The following LRP1B variants were observed in gnomAD, a reference collection of about 807,000 sequenced individuals.
The protein encoded by LRP1B is LDL receptor related protein 1B.
LRP1B carries 217 observed loss-of-function variants against 556.6 expected under a neutral mutation model. That is an observed-to-expected ratio of 0.39 (90% CI 0.35 to 0.44). The LOEUF (loss-of-function observed/expected upper bound fraction) is 0.44. Among genes scored for constraint, LRP1B ranks in the 20% least tolerant of loss-of-function variants. LRP1B has a pLI of 1.00. For synonymous variants in LRP1B, 2,047 were observed against 1,865.8 expected, an observed-to-expected ratio of 1.10 and a Z score of -2.50; for missense variants, 5,053 against 5,620.8, an observed-to-expected ratio of 0.90 and a Z score of 3.23.
chr2:141,571,141 G>A lies in LRP1B; in HGVS notation c.206-90608C>T, dbSNP rs546784724. 4.8e-4 allele frequency among the ~76,000 whole-genome samples: 72 copies of A among 149,574 alleles called. 3 individuals carry two copies. Among genetic ancestry groups the A allele is most frequent in the Non-Finnish European group, 8.2e-4 (55 of 67,072 alleles). Reference sequence around the variant, plus strand: ...CAGGGGTTGTCAGACACCCTATACAGGAGTGATCCTATTGGCATCAGGTTA... The same window carrying A: ...CAGGGGTTGTCAGACACCCTATACAAGAGTGATCCTATTGGCATCAGGTTA... On this transcript the variant is annotated intron_variant, in intron 2 of 90. Coordinates refer to ENST00000389484, the MANE Select transcript of LRP1B (RefSeq NM_018557.3).
chr2:142,042,745 C>A (rs1259607132), intron 1 of LRP1B, among the ~76,000 whole-genome samples: 1 of 151,514 alleles, frequency 6.6e-6, no homozygotes, highest in Non-Finnish European at 1.5e-5. Context: ...TCCAAACCCA[C>A]CATGATTTGG....
intron 11 of LRP1B, among the ~76,000 whole-genome samples, chr2:141,024,466 C>A (rs1207517212): frequency 1.3e-5 from 2 of 151,954 alleles, no homozygotes. Context: ...CCAATGCAAA[C>A]TGTCACTCTC....
At chr2:141,669,276 C>T (rs1248624990) in intron 2 of LRP1B, among the ~76,000 whole-genome samples, 2 of 152,210 alleles carry the variant, frequency 1.3e-5, no homozygotes, top group Middle Eastern at 3.4e-3. Flanking sequence ...CATGTGAAGA[C>T]AAAGCGAAGA....
chr2:141,751,860 G>C (rs1303478120), intron 2 of LRP1B, among the ~76,000 whole-genome samples: 2 of 149,536 alleles, frequency 1.3e-5, no homozygotes, highest in African/African-American at 4.9e-5. Context: ...TAGTATGACT[G>C]ATTTTTTTTT....
intron 1 of LRP1B, among the ~76,000 whole-genome samples, chr2:141,956,605 G>GTCTTT (rs3041433): frequency 0.46 from 69,539 of 151,284 alleles, 16,109 homozygotes; most frequent in Admixed American, 0.53. Flanking sequence ...AAATTTATCA[G>GTCTTT]TCTTTTATGT....
At chr2:141,505,602 T>C (rs947263343) in intron 2 of LRP1B, among the ~76,000 whole-genome samples, 2 of 152,116 alleles carry the variant, frequency 1.3e-5, no homozygotes, top group Non-Finnish European at 2.9e-5. Context: ...ATATACCTGT[T>C]ACTATAATTT....
chr2:140,304,059 T>C (rs925124414), intron 83 of LRP1B, among the ~76,000 whole-genome samples: 1 of 152,196 alleles, frequency 6.6e-6, no homozygotes, highest in South Asian at 2.1e-4. Flanking sequence ...CAGTCTATCG[T>C]TGATGGACAT....
intron 23 of LRP1B, among the ~76,000 whole-genome samples, chr2:140,895,742 T>C (rs1187355140): frequency 6.6e-6 from 1 of 152,054 alleles, no homozygotes; most frequent in African/African-American, 2.4e-5. Flanking sequence ...GATGGAGAGC[T>C]GAAAAGGGGA....
chr2:141,084,652 CTT>C (rs11311266), intron 7 of LRP1B, among the ~76,000 whole-genome samples: 36,813 of 136,914 alleles, frequency 0.27, 4,912 homozygotes, highest in East Asian at 0.45. Flanking sequence ...ACTTCTGTTT[CTT>C]TTTTTTTTTT....
At chr2:142,127,382 C>CCATCCATT (rs1707693094) in intron 1 of LRP1B, among the ~76,000 whole-genome samples, 1 of 151,686 alleles carries the variant, frequency 6.6e-6, no homozygotes, top group Non-Finnish European at 1.5e-5. Context: ...ATCCATCCAT[C>CCATCCATT]CATCCATCCA....
intron 41 of LRP1B, among the ~76,000 whole-genome samples, chr2:140,642,043 C>T (rs976203828): frequency 1.3e-5 from 2 of 152,106 alleles, no homozygotes; most frequent in Non-Finnish European, 2.9e-5. Context: ...ATTGATGATT[C>T]TGACAAGGGA....
intron 1 of LRP1B, among the ~76,000 whole-genome samples, chr2:141,958,765 C>A (rs1279423180): frequency 6.6e-6 from 1 of 151,970 alleles, no homozygotes; most frequent in Non-Finnish European, 1.5e-5. Flanking sequence ...GCTGTTATAT[C>A]TGAATGTCAG....
intron 1 of LRP1B, among the ~76,000 whole-genome samples, chr2:141,886,925 G>T (rs1429509306): frequency 6.7e-6 from 1 of 149,972 alleles, no homozygotes; most frequent in African/African-American, 2.4e-5. Flanking sequence ...TTTTCTGTGT[G>T]TGTGTATGTG....
intron 2 of LRP1B, among the ~76,000 whole-genome samples, chr2:141,654,463 G>A (rs2105384423): frequency 6.6e-6 from 1 of 152,246 alleles, no homozygotes; most frequent in Admixed American, 6.5e-5. Context: ...ACTGTGAACA[G>A]GTGTGTTCCT....
intron 3 of LRP1B, among the ~76,000 whole-genome samples, chr2:141,354,412 G>A (rs1688552639): frequency 6.6e-6 from 1 of 151,858 alleles, no homozygotes; most frequent in South Asian, 2.1e-4. Context: ...GAACATAAAA[G>A]TATTATTAAC....
chr2:141,084,552 A>G (rs1266540627), intron 7 of LRP1B, among the ~76,000 whole-genome samples: 1 of 152,108 alleles, frequency 6.6e-6, no homozygotes, highest in Non-Finnish European at 1.5e-5. Context: ...ATTCAGAAGG[A>G]GAGTAAATAA....
intron 83 of LRP1B, among the ~76,000 whole-genome samples, chr2:140,299,991 A>T (rs1208479084): frequency 6.6e-6 from 1 of 152,060 alleles, no homozygotes; most frequent in Non-Finnish European, 1.5e-5. Context: ...GTAAAATGAT[A>T]CAAGTGTGAA....
At chr2:141,135,807 C>T (rs1701477682) in intron 7 of LRP1B, among the ~76,000 whole-genome samples, 1 of 151,754 alleles carries the variant, frequency 6.6e-6, no homozygotes, top group South Asian at 2.1e-4. Flanking sequence ...AATCATTTTC[C>T]CAGAATACTT....
Position 140,496,468 on chromosome 2 carries a change from T to C in LRP1B, c.8851-720A>G, listed in dbSNP as rs904468617. ...GTGTCCGAATAAACAGTAATATTAATGTAGATGTTTTTTATCTTAATAACT... is the reference window on the plus strand; with the variant it reads ...GTGTCCGAATAAACAGTAATATTAACGTAGATGTTTTTTATCTTAATAACT... On this transcript the variant is annotated intron_variant, in intron 55 of 90. Coordinates refer to ENST00000389484, the MANE Select transcript of LRP1B (RefSeq NM_018557.3). Among the ~76,000 whole-genome samples the C allele has an allele frequency of 6.6e-5, 10 of 152,162 alleles. No individual in the cohort carries two copies. In the South Asian group the frequency reaches 1.4e-3, roughly 22 times the overall value.
Sources: gnomAD v4.1 joint callset for allele counts (sites outside exome capture counted in the v4.1 genomes callset) on GRCh38, gnomAD v4.1.1 for gene constraint, MANE v1.5 for transcripts, NCBI Gene and HGNC (gene_info 2026-07-23, HGNC 2026-07-21) for gene names.